TGFBR3: variants seen among roughly 807,000 people sequenced by gnomAD.
TGFBR3 encodes transforming growth factor beta receptor 3, also known as transforming growth factor beta receptor type 3.
A neutral mutation model predicts 87.9 loss-of-function variants in TGFBR3; 46 were observed. The ratio of observed to expected loss-of-function variants is 0.52; its 90% CI spans 0.41 to 0.67. The LOEUF is 0.67. Ranked by LOEUF, TGFBR3 falls within the 30% of genes least tolerant of loss-of-function variation. The pLI is 0.00. For synonymous variants in TGFBR3, 381 were observed against 391.6 expected (o/e 0.97, Z 0.32); for missense variants, 866 against 1,041.9 (o/e 0.83, Z 2.32).
At chr1:91,737,064 C>T (rs978819198) in intron 4 of TGFBR3, among the ~76,000 whole-genome samples, 12 of 152,264 alleles carry the variant, frequency 7.9e-5, no homozygotes, top group Admixed American at 3.9e-4. Context: ...GGGGCTGATT[C>T]GTGGAGGAGG....
At chr1:91,690,659 A>G (rs1671234497) in intron 16 of TGFBR3, among the ~76,000 whole-genome samples, 1 of 152,086 alleles carries the variant, frequency 6.6e-6, no homozygotes, top group Non-Finnish European at 1.5e-5. Flanking sequence ...TCCGGTGTCT[A>G]TTTGCCAAAT....
chr1:91,684,701 A>C (rs1671031535), intron 16 of TGFBR3, among the ~76,000 whole-genome samples: 1 of 152,224 alleles, frequency 6.6e-6, no homozygotes, highest in Non-Finnish European at 1.5e-5. Context: ...AAAAGGCCCT[A>C]GAGTTAGTCT....
intron 16 of TGFBR3, among the ~76,000 whole-genome samples, chr1:91,685,315 CTTTTTTTT>C (rs71585124): frequency 2.0e-5 from 2 of 100,672 alleles, no homozygotes; most frequent in African/African-American, 8.2e-5. Context: ...GAAGCACTGC[CTTTTTTTT>C]TTTTTTTTTT....
intron 2 of TGFBR3, among the ~76,000 whole-genome samples, chr1:91,798,497 A>G (rs1675475222): frequency 6.6e-6 from 1 of 152,070 alleles, no homozygotes; most frequent in African/African-American, 2.4e-5. Flanking sequence ...GTCCTCATTC[A>G]AGCCTGCTTC....
At chr1:91,856,000 G>A (rs1387432796) in intron 2 of TGFBR3, among the ~76,000 whole-genome samples, 2 of 151,874 alleles carry the variant, frequency 1.3e-5, no homozygotes, top group African/African-American at 4.8e-5. Context: ...CAAGAGCACA[G>A]TCCACCCTCC....
Position 91,861,577 on chromosome 1 carries a change from T to TCA in TGFBR3, c.-48_-47dup, listed in dbSNP as rs1285579753. 6.8e-7 allele frequency: 1 copy of TCA among 1,465,516 alleles called. No homozygotes were observed. The highest frequency in any genetic ancestry group is 1.4e-5 in the African/African-American group (1 of 71,856). The allele number at this position is 1,465,516 out of a possible 1,614,324, so 90.8% of individuals were successfully genotyped here. A position where few individuals can be genotyped will look rare whatever the true frequency, so the allele number is the denominator to read the frequency against. ...GTCTCGTCCAGTCACTTCAGCCTGC[T>TCA]CAGAGCACAGACAATCTTTGCAAAT... is the stretch of plus-strand genomic sequence containing the variant. On this transcript the variant is annotated 5_prime_UTR_variant, in exon 2 of 17. Transcript: ENST00000212355.
At chr1:91,709,637 C>A (rs115000506) in intron 13 of TGFBR3, among the ~76,000 whole-genome samples, 1 of 152,162 alleles carries the variant, frequency 6.6e-6, no homozygotes, top group Non-Finnish European at 1.5e-5. Context: ...TGAGATTAGC[C>A]GCTTCAAACC....
chr1:91,747,117 C>A lies in TGFBR3; in HGVS notation c.384+11496G>T, dbSNP rs376652825. On this transcript the variant is annotated intron_variant, in intron 4 of 16. Coordinates refer to ENST00000212355, the MANE Select transcript of TGFBR3 (RefSeq NM_003243.5). The stretch of plus-strand genomic sequence containing the variant: ...TTAGATAAAGTGCCAGATTACACAC[C>A]TTTAGCAAGAAATGAGTGCAGATTC... Among the ~76,000 whole-genome samples the A allele has an allele frequency of 9.8e-5, 15 of 152,304 alleles. No individual in the cohort carries two copies. In the East Asian group the frequency reaches 1.2e-3, roughly 12 times the overall value.
upstream of TGFBR3, among the ~76,000 whole-genome samples, chr1:91,889,396 T>G (rs569308900): frequency 7.9e-5 from 12 of 152,298 alleles, no homozygotes; most frequent in African/African-American, 2.6e-4. Flanking sequence ...TTCTTCTACC[T>G]GTCATCAGAA....
chr1:91,681,825 C>T lies in TGFBR3; in HGVS notation c.*1914G>A, dbSNP rs1192725833. On this transcript the variant is annotated 3_prime_UTR_variant, in exon 17 of 17. Coordinates refer to ENST00000212355, the MANE Select transcript of TGFBR3 (RefSeq NM_003243.5). ...AATATGCTGAAACAATACATTCCAC[C>T]GAAGGTTAGGCAAAGCGCAATATTT... 3 of 452,836 alleles carry T rather than the reference C, an allele frequency of 6.6e-6. No homozygotes were observed. Among genetic ancestry groups the T allele is most frequent in the Non-Finnish European group, 4.4e-6 (1 of 226,530 alleles). The allele number at this position is 452,836 out of a possible 1,614,324, so 28.1% of individuals were successfully genotyped here.
At chr1:91,761,607 C>T (rs934901946) in intron 3 of TGFBR3, among the ~76,000 whole-genome samples, 5 of 152,128 alleles carry the variant, frequency 3.3e-5, no homozygotes, top group African/African-American at 7.2e-5. Flanking sequence ...ATGCTTCCCC[C>T]GCTTGAGTAA....
At chr1:91,777,979 G>T (rs750765316) in intron 3 of TGFBR3, among the ~76,000 whole-genome samples, 27 of 152,256 alleles carry the variant, frequency 1.8e-4, no homozygotes, top group Non-Finnish European at 3.5e-4. Context: ...ATAAATAAAA[G>T]AAAGACAGGG....
chr1:91,758,008 C>A (rs910560742), intron 4 of TGFBR3, among the ~76,000 whole-genome samples: 1 of 152,146 alleles, frequency 6.6e-6, no homozygotes, highest in Non-Finnish European at 1.5e-5. Flanking sequence ...TCCAAACAAC[C>A]CATCGATTTC....
At chr1:91,893,461 T>G (rs1451470487) in intron 2 of TGFBR3, among the ~76,000 whole-genome samples, 1 of 152,110 alleles carries the variant, frequency 6.6e-6, no homozygotes, top group African/African-American at 2.4e-5. Flanking sequence ...TTGTTGTATT[T>G]TCTGTAGAGC....
chr1:91,898,298 AT>A (rs1679596028), intron 2 of TGFBR3, among the ~76,000 whole-genome samples: 1 of 152,174 alleles, frequency 6.6e-6, no homozygotes, highest in Admixed American at 6.5e-5. Flanking sequence ...TGAAGATGCT[AT>A]TAGTATGAAT....
At chr1:91,864,922 G>A (rs982855954) in intron 1 of TGFBR3, among the ~76,000 whole-genome samples, 14 of 152,074 alleles carry the variant, frequency 9.2e-5, no homozygotes, top group African/African-American at 3.4e-4. Context: ...ATGGGTTCTG[G>A]CTGGGCACAG....
intron 1 of TGFBR3, among the ~76,000 whole-genome samples, chr1:91,885,091 C>A (rs1016980627): frequency 6.6e-6 from 1 of 152,228 alleles, no homozygotes; most frequent in Non-Finnish European, 1.5e-5. Context: ...CTTTACGGGG[C>A]AAGTACTACT....
chr1:91,881,039 AG>A (rs1057450338), intron 1 of TGFBR3, among the ~76,000 whole-genome samples: 10 of 152,206 alleles, frequency 6.6e-5, no homozygotes, highest in African/African-American at 2.4e-4. Flanking sequence ...ACTATCAAGA[AG>A]GGAGGTAATT....
At chr1:91,787,825 G>A (rs1178533782) in intron 3 of TGFBR3, among the ~76,000 whole-genome samples, 2 of 152,026 alleles carry the variant, frequency 1.3e-5, no homozygotes, top group African/African-American at 2.4e-5. Flanking sequence ...GGTGGTGTGC[G>A]CCTATAGTCC....
Sources: gnomAD v4.1 joint callset for allele counts (sites outside exome capture counted in the v4.1 genomes callset) on GRCh38, gnomAD v4.1.1 for gene constraint, MANE v1.5 for transcripts, NCBI Gene and HGNC (gene_info 2026-07-23, HGNC 2026-07-21) for gene names.